ATP10B: variants seen among roughly 807,000 people sequenced by gnomAD.
ATP10B encodes ATPase phospholipid transporting 10B (putative).
In ATP10B, 122 loss-of-function variants were observed where a neutral mutation model predicts 141.2. The observed-to-expected ratio is 0.86, with a 90% confidence interval of 0.75 to 1.00. The LOEUF (loss-of-function observed/expected upper bound fraction) is 1.00. Among genes scored for constraint, ATP10B ranks in the 50% least tolerant of loss-of-function variants. The probability of loss-of-function intolerance (pLI) is 0.00; values close to 1 mark genes in which losing one functional copy is unlikely to be tolerated. For synonymous variants in ATP10B, 685 were observed against 692.0 expected, an observed-to-expected ratio of 0.99 and a Z score of 0.16; for missense variants, 1,876 against 1,825.3, an observed-to-expected ratio of 1.03 and a Z score of -0.51.
intron 8 of ATP10B, among the ~76,000 whole-genome samples, chr5:160,646,175 G>T (rs76587096): frequency 6.6e-6 from 1 of 152,058 alleles, no homozygotes; most frequent in African/African-American, 2.4e-5. Flanking sequence ...CTAGGTCACA[G>T]ACACCCACCC....
chr5:160,779,507 C>T (rs1770578730), intron 2 of ATP10B, among the ~76,000 whole-genome samples: 1 of 152,112 alleles, frequency 6.6e-6, no homozygotes, highest in South Asian at 2.1e-4. Context: ...TGGACAATGG[C>T]CAGTGAGGAA....
rs772848533 is a variant in ATP10B at position 160,620,541 on chromosome 5, C to T, written c.2222G>A (p.Arg741Gln). ...AHAYSFTLVS[R>Q]TPEQVTVRLP... Reference sequence around the variant, plus strand: ...GCGCACAGTCACCTGCTCAGGTGTCCGGGACACTAGTGTGAAGCTGTAGGC... The same window carrying T: ...GCGCACAGTCACCTGCTCAGGTGTCTGGGACACTAGTGTGAAGCTGTAGGC... The change falls in exon 15 of 26, where the codon CGG becomes CAG. Residue 741 changes from arginine (R) to glutamine (Q), a missense_variant. Arg to Gln is a conservative substitution (Grantham distance 43). Transcript: ENST00000327245. The T allele has an allele frequency of 2.7e-5, 43 of 1,613,974 alleles. No homozygotes were observed. Among genetic ancestry groups the T allele is most frequent in the African/African-American group, 5.3e-5 (4 of 74,936 alleles).
intron 1 of ATP10B, among the ~76,000 whole-genome samples, chr5:160,792,119 C>A (rs577523870): frequency 6.6e-6 from 1 of 152,104 alleles, no homozygotes; most frequent in African/African-American, 2.4e-5. Flanking sequence ...TAAATCCCCC[C>A]CTCCCTAAAC....
At chr5:160,825,954 C>T (rs866754901) in intron 1 of ATP10B, among the ~76,000 whole-genome samples, 1 of 152,188 alleles carries the variant, frequency 6.6e-6, no homozygotes, top group African/African-American at 2.4e-5. Flanking sequence ...TCACGGCCTC[C>T]AGCTTCATCC....
chr5:160,585,493 C>T lies in ATP10B; in HGVS notation c.3750+4099G>A, dbSNP rs114152076. On this transcript the variant is annotated intron_variant, in intron 24 of 25. Transcript: ENST00000327245. ...GTGGCACGCGCCATAGTCCCAGCTA[C>T]TGAGGAGGCTGAGGCAGAAGAATCT... 4.4e-3 allele frequency among the ~76,000 whole-genome samples: 665 copies of T among 152,290 alleles called. 4 individuals are homozygous for T. The highest frequency in any genetic ancestry group is 0.014 in the African/African-American group (568 of 41,556).
intron 1 of ATP10B, among the ~76,000 whole-genome samples, chr5:160,829,199 AAGT>A (rs776208123): frequency 1.0e-3 from 156 of 150,704 alleles, no homozygotes; most frequent in Non-Finnish European, 2.0e-3. Context: ...CTAAAACTTA[AAGT>A]ATAATAATAA....
At chr5:160,799,584 T>C (rs1772225415) in intron 1 of ATP10B, among the ~76,000 whole-genome samples, 1 of 152,146 alleles carries the variant, frequency 6.6e-6, no homozygotes, top group Non-Finnish European at 1.5e-5. Flanking sequence ...TTTCTTCTAA[T>C]TCTCAACACC....
chr5:160,591,987 G>A (rs533300675), intron 22 of ATP10B, among the ~76,000 whole-genome samples: 12 of 152,264 alleles, frequency 7.9e-5, no homozygotes, highest in Admixed American at 5.9e-4. Flanking sequence ...CCAGGTGCAA[G>A]ACACTCTCTG....
chr5:160,706,286 G>T (rs541583493), intron 3 of ATP10B, among the ~76,000 whole-genome samples: 2 of 152,288 alleles, frequency 1.3e-5, no homozygotes, highest in South Asian at 4.1e-4. Flanking sequence ...CTTGATGCAG[G>T]GTTGCTGCAA....
chr5:160,652,947 AATATATTATAT>A (rs1760968678), intron 7 of ATP10B, among the ~76,000 whole-genome samples: 1 of 84,248 alleles, frequency 1.2e-5, no homozygotes, highest in East Asian at 2.9e-4. Flanking sequence ...ATGTATATAT[AATATATTATAT>A]ATACATGTAT....
At chr5:160,854,883 T>A (rs916900824), upstream of ATP10B, among the ~76,000 whole-genome samples, 3 of 152,138 alleles carry the variant, frequency 2.0e-5, no homozygotes, top group Non-Finnish European at 4.4e-5. Flanking sequence ...ATTGACGCAA[T>A]TATTCTTATT....
intron 2 of ATP10B, among the ~76,000 whole-genome samples, chr5:160,783,596 C>CACAT (rs1770918193): frequency 1.9e-5 from 2 of 104,630 alleles, no homozygotes; most frequent in Non-Finnish European, 4.2e-5. Flanking sequence ...CACACACACA[C>CACAT]ATACACACAC....
At chr5:160,688,337 T>TC (rs1450351671) in intron 4 of ATP10B, among the ~76,000 whole-genome samples, 2 of 152,158 alleles carry the variant, frequency 1.3e-5, no homozygotes, top group Non-Finnish European at 2.9e-5. Context: ...GAGGTTAGAA[T>TC]CCCTATGTTC....
chr5:160,746,260 G>C (rs1767796615), intron 2 of ATP10B, among the ~76,000 whole-genome samples: 1 of 152,222 alleles, frequency 6.6e-6, no homozygotes, highest in South Asian at 2.1e-4. Context: ...ACTCAGAGTG[G>C]AGCCCTGGTG....
At chr5:160,654,076 C>CAT (rs779922557) in intron 7 of ATP10B, among the ~76,000 whole-genome samples, 1 of 10,946 alleles carries the variant, frequency 9.1e-5, no homozygotes, top group South Asian at 3.6e-3. Context: ...TACGTATATA[C>CAT]ATATAAATAT....
chr5:160,870,346 G>A, the ATP10B span, among the ~76,000 whole-genome samples: 2 of 151,806 alleles, frequency 1.3e-5, no homozygotes, highest in Non-Finnish European at 1.5e-5. Flanking sequence ...ATCATGTTCA[G>A]CTATAATGGA....
rs57796332 is a variant in ATP10B at position 160,783,562 on chromosome 5, TACACACACAC to T, written c.-331+1987_-331+1996del. Reference sequence around the variant, plus strand: ...TGATATATATATCATATATATATGATACACACACACACACACACACACACACACACACACA... The same window carrying T: ...TGATATATATATCATATATATATGATACACACACACACACACACACACACA... On this transcript the variant is annotated intron_variant, in intron 2 of 25. Coordinates refer to ENST00000327245, the MANE Select transcript of ATP10B (RefSeq NM_025153.3). Among the ~76,000 whole-genome samples, 797 of 131,300 alleles carry T rather than the reference TACACACACAC, an allele frequency of 6.1e-3. 7 individuals carry two copies. The highest frequency in any genetic ancestry group is 0.019 in the African/African-American group (683 of 35,236). 86.1% of individuals were successfully genotyped at this position (131,300 alleles called of 152,430 possible). A position where few individuals can be genotyped will look rare whatever the true frequency, so the allele number is the denominator to read the frequency against.
chr5:160,728,315 T>TC lies in ATP10B; in HGVS notation c.-330-11282dup, dbSNP rs372913265. On this transcript the variant is annotated intron_variant, in intron 2 of 25. Transcript: ENST00000327245. ...CAGACATGTGTGTGGCTTGAGTTTT[T>TC]CCCCGATACACCCTGAAGCTGGCTT... 3.5e-4 allele frequency among the ~76,000 whole-genome samples: 54 copies of TC among 152,268 alleles called. 1 individual carries two copies. In the East Asian group the frequency reaches 9.1e-3, roughly 26 times the overall value.
upstream of ATP10B, among the ~76,000 whole-genome samples, chr5:160,856,930 T>C (rs939153056): frequency 2.6e-5 from 4 of 151,802 alleles, no homozygotes; most frequent in African/African-American, 9.7e-5. Context: ...CATTTGGCCA[T>C]CATGTATAAT....
Sources: allele counts gnomAD v4.1 joint callset (sites outside exome capture counted in the v4.1 genomes callset), GRCh38; gene constraint gnomAD v4.1.1; transcripts MANE v1.5; gene names NCBI Gene and HGNC (gene_info 2026-07-23, HGNC 2026-07-21).